Variants in DGKG observed in about 807,000 individuals in gnomAD.
DGKG encodes DAG kinase gamma.
DGKG carries 78 observed loss-of-function variants against 105.3 expected under a neutral mutation model. The ratio of observed to expected loss-of-function variants is 0.74; its 90% confidence interval spans 0.62 to 0.89. DGKG has a LOEUF of 0.89. Among genes scored for constraint, DGKG ranks in the 40% least tolerant of loss-of-function variants. DGKG has a pLI of 0.00. For missense variants in DGKG, 958 were observed against 1,020.1 expected, an observed-to-expected ratio of 0.94 and a Z score of 0.83; for synonymous variants, 346 against 367.1, an observed-to-expected ratio of 0.94 and a Z score of 0.66.
intron 4 of DGKG, 140 bp downstream of exon 4, chr3:186,297,924 G>T (rs138785002): frequency 2.2e-6 from 2 of 920,862 alleles, no homozygotes; most frequent in African/African-American, 1.7e-5. Flanking sequence ...ATGAGGAAAG[G>T]CGTCCCTGTC....
At chr3:186,282,827 T>C (rs1239262789) in intron 7 of DGKG, among the ~76,000 whole-genome samples, 1 of 152,192 alleles carries the variant, frequency 6.6e-6, no homozygotes, top group Non-Finnish European at 1.5e-5. Flanking sequence ...ACAGTGATTC[T>C]GTTAAAACAT....
rs1377003318 is a variant in DGKG, at chr3:186,148,911, C to T, written c.*1179G>A. ...CTTACCACTTTCTGTCTCATACTAC[C>T]TATGTTTTTTTTTTCCAATGAGGAA... On this transcript the variant is annotated 3_prime_UTR_variant, in exon 25 of 25. Transcript: ENST00000265022. The T allele has an allele frequency of 1.7e-5, 17 of 978,776 alleles. No homozygotes were observed. Among genetic ancestry groups the T allele is most frequent in the Non-Finnish European group, 1.9e-5 (16 of 828,056 alleles). The allele number at this position is 978,776 out of a possible 1,614,324, so 60.6% of individuals were successfully genotyped here.
intron 10 of DGKG, 54 bp from the exon 11 acceptor site, chr3:186,272,397 C>T: frequency 7.6e-7 from 1 of 1,316,378 alleles, no homozygotes; most frequent in Non-Finnish European, 1.1e-6. Flanking sequence ...GTAGGAAAGG[C>T]CCAGCTGCCC....
intron 5 of DGKG, among the ~76,000 whole-genome samples, chr3:186,295,284 C>T (rs1054400296): frequency 2.6e-5 from 4 of 152,022 alleles, no homozygotes; most frequent in Admixed American, 6.6e-5. Context: ...GGGCAGATCA[C>T]GAGGTCAGGA....
chr3:186,216,479 C>T (rs1212244300), intron 20 of DGKG, among the ~76,000 whole-genome samples: 2 of 152,154 alleles, frequency 1.3e-5, no homozygotes, highest in Admixed American at 6.5e-5. Flanking sequence ...CTCTGCTAAA[C>T]ATTTTACACA....
chr3:186,180,318 A>G (rs532953953), intron 22 of DGKG, among the ~76,000 whole-genome samples: 30 of 152,240 alleles, frequency 2.0e-4, no homozygotes, highest in African/African-American at 7.2e-4. Flanking sequence ...GAAGGACTAA[A>G]TGACAAAGCT....
chr3:186,232,719 G>T (rs1720213630), intron 20 of DGKG, among the ~76,000 whole-genome samples: 1 of 152,024 alleles, frequency 6.6e-6, no homozygotes. Context: ...TAAATGTATT[G>T]ATATTTTATT....
Position 186,261,762 on chromosome 3 carries a change from G to A in DGKG, c.1286C>T (p.Thr429Ile), listed in dbSNP as rs1476547071. The change falls in exon 15 of 25, where the codon ACC becomes ATC. Residue 429 changes from threonine to isoleucine, a missense_variant. By Grantham distance (89) the Thr-to-Ile change is moderately conservative. Coordinates refer to ENST00000265022, the MANE Select transcript of DGKG (RefSeq NM_001346.3). ...ELVMQYKIIP[T>I]PGTHPLLVLV... ...GACCAGCAGGGGGTGGGTACCCGGG[G>A]TGGGGATGATCTTATACTTGAAAGG... 2 of 1,604,316 alleles carry A rather than the reference G, an allele frequency of 1.2e-6. No homozygotes were observed. The highest frequency in any genetic ancestry group is 8.5e-7 in the Non-Finnish European group (1 of 1,174,966).
At chr3:186,348,083 T>G (rs1726431674) in intron 1 of DGKG, among the ~76,000 whole-genome samples, 1 of 152,124 alleles carries the variant, frequency 6.6e-6, no homozygotes, top group African/African-American at 2.4e-5. Context: ...CACATCAAGG[T>G]TTTTTGCCTT....
intron 9 of DGKG, among the ~76,000 whole-genome samples, chr3:186,277,817 A>G (rs775757051): frequency 2.0e-5 from 3 of 151,992 alleles, no homozygotes; most frequent in Non-Finnish European, 2.9e-5. Flanking sequence ...CCTGGGAGAG[A>G]GTCTGTTTTG....
intron 1 of DGKG, among the ~76,000 whole-genome samples, chr3:186,330,645 G>C (rs1020607913): frequency 2.0e-5 from 3 of 152,184 alleles, no homozygotes; most frequent in Admixed American, 6.5e-5. Context: ...ACATTACAGA[G>C]AGGAGAACTG....
At position 186,343,237 on chromosome 3, in the gene DGKG, AAAC is replaced by A. The variant is rs1172892370; in HGVS notation, c.-249+18706_-249+18708del. ...TTGATCTTTGAAGAATTTTGGAGAA[AAAC>A]AACAACAAGAAGCCAGAGGACCAGA... On this transcript the variant is annotated intron_variant, in intron 1 of 24. Transcript: ENST00000265022. 7.2e-5 allele frequency among the ~76,000 whole-genome samples: 11 copies of A among 152,318 alleles called. No homozygotes were observed. In the East Asian group the frequency reaches 9.6e-4, roughly 13 times the overall value.
At chr3:186,227,749 T>C (rs991486409) in intron 20 of DGKG, among the ~76,000 whole-genome samples, 5 of 152,214 alleles carry the variant, frequency 3.3e-5, no homozygotes, top group African/African-American at 9.7e-5. Flanking sequence ...GAACATCTAT[T>C]ACCTTTTCAC....
intron 9 of DGKG, among the ~76,000 whole-genome samples, chr3:186,277,193 A>C (rs1417958692): frequency 1.3e-5 from 2 of 152,270 alleles, no homozygotes; most frequent in Non-Finnish European, 2.9e-5. Flanking sequence ...GCTTTTTGTA[A>C]GAATTAAATG....
At chr3:186,187,659 A>G (rs892293585) in intron 22 of DGKG, among the ~76,000 whole-genome samples, 1 of 152,182 alleles carries the variant, frequency 6.6e-6, no homozygotes. Flanking sequence ...TTATGACTGG[A>G]TGGGGTGATC....
chr3:186,341,910 G>A (rs941911979), intron 1 of DGKG, among the ~76,000 whole-genome samples: 15 of 152,056 alleles, frequency 9.9e-5, no homozygotes, highest in Admixed American at 2.0e-4. Flanking sequence ...GTAAACTATC[G>A]CAAGAACAAA....
At chr3:186,163,957 A>T (rs767310886) in intron 23 of DGKG, among the ~76,000 whole-genome samples, 1 of 152,292 alleles carries the variant, frequency 6.6e-6, no homozygotes, top group Non-Finnish European at 1.5e-5. Flanking sequence ...GACAGAAAAC[A>T]AAGAGGGGAA....
At chr3:186,287,189 G>C (rs1439396330) in intron 6 of DGKG, among the ~76,000 whole-genome samples, 2 of 151,998 alleles carry the variant, frequency 1.3e-5, no homozygotes, top group East Asian at 3.8e-4. Flanking sequence ...AAAATATCTA[G>C]GATAATTGGA....
intron 2 of DGKG, chr3:186,313,471 C>T (rs1724658944): frequency 1.0e-6 from 1 of 981,838 alleles, no homozygotes; most frequent in African/African-American, 1.7e-5. Context: ...AACATTTTCT[C>T]ACCTTTTCTC....
Sources: allele counts gnomAD v4.1 joint callset (sites outside exome capture counted in the v4.1 genomes callset), GRCh38; gene constraint gnomAD v4.1.1; transcripts MANE v1.5; gene names NCBI Gene and HGNC (gene_info 2026-07-23, HGNC 2026-07-21).